The following ERC2 variants were observed in gnomAD, a reference collection of about 807,000 sequenced individuals.
The protein encoded by ERC2 is ERC protein 2.
ERC2 carries 42 observed loss-of-function variants against 114.8 expected under a neutral mutation model. That is an observed-to-expected ratio of 0.37 (90% CI 0.29 to 0.47). The LOEUF (loss-of-function observed/expected upper bound fraction) is 0.47. Ranked by LOEUF, ERC2 falls within the 20% of genes least tolerant of loss-of-function variation. ERC2 has a pLI of 0.99. For synonymous variants in ERC2, 454 were observed against 425.5 expected, an observed-to-expected ratio of 1.07 and a Z score of -0.82; for missense variants, 939 against 1,150.7, an observed-to-expected ratio of 0.82 and a Z score of 2.66.
At chr3:55,669,773 A>C (rs999761425) in intron 17 of ERC2, among the ~76,000 whole-genome samples, 1 of 152,230 alleles carries the variant, frequency 6.6e-6, no homozygotes, top group Non-Finnish European at 1.5e-5. Flanking sequence ...TTTTTGGTGC[A>C]TAGCATGAAG....
chr3:55,991,949 C>T, intron 11 of ERC2, 108 bp downstream of exon 11: 1 of 971,800 alleles, frequency 1.0e-6, no homozygotes, highest in Non-Finnish European at 1.5e-6. Flanking sequence ...TGACTTGTTT[C>T]TAACTTGTAA....
At chr3:56,331,054 T>C (rs2057588196) in intron 2 of ERC2, among the ~76,000 whole-genome samples, 1 of 152,214 alleles carries the variant, frequency 6.6e-6, no homozygotes, top group Admixed American at 6.5e-5. Context: ...ATTCTATTCA[T>C]GGCAAGCATC....
Position 55,583,397 on chromosome 3 carries a change from T to TCC in ERC2, c.*40-72122_*40-72121insGG, listed in dbSNP as rs1559692271. Reference sequence around the variant, plus strand: ...TTCTTTCCTTCTTTCTTTCCTTCCTTCTTTCCTTCCTTCCTTCCTTCCTTC... The same window carrying TCC: ...TTCTTTCCTTCTTTCTTTCCTTCCTTCCCTTTCCTTCCTTCCTTCCTTCCTTC... On this transcript the variant is annotated intron_variant, in intron 17 of 17. Transcript: ENST00000288221. Among the ~76,000 whole-genome samples the TCC allele has an allele frequency of 5.0e-4, 63 of 125,084 alleles. No individual in the cohort carries two copies. In the East Asian group the frequency reaches 0.011, roughly 22 times the overall value. 82.1% of individuals were successfully genotyped at this position (125,084 alleles called of 152,430 possible). A position where few individuals can be genotyped will look rare whatever the true frequency, so the allele number is the denominator to read the frequency against.
At chr3:55,700,430 T>C (rs2063160828) in intron 15 of ERC2, among the ~76,000 whole-genome samples, 1 of 152,228 alleles carries the variant, frequency 6.6e-6, no homozygotes, top group Non-Finnish European at 1.5e-5. Context: ...AGTAAACTAT[T>C]TATAAACCTT....
At chr3:56,325,822 C>T (rs930633274) in intron 2 of ERC2, among the ~76,000 whole-genome samples, 1 of 152,144 alleles carries the variant, frequency 6.6e-6, no homozygotes, top group African/African-American at 2.4e-5. Context: ...AACTGAGGCT[C>T]AAAGAGAAAA....
intron 3 of ERC2, among the ~76,000 whole-genome samples, chr3:56,223,340 A>G (rs2050039318): frequency 6.6e-6 from 1 of 152,062 alleles, no homozygotes; most frequent in Admixed American, 6.6e-5. Flanking sequence ...CACTGTCCCC[A>G]TTTCACACCA....
intron 2 of ERC2, among the ~76,000 whole-genome samples, chr3:56,332,700 T>C (rs1424572908): frequency 1.3e-5 from 2 of 152,292 alleles, no homozygotes; most frequent in Non-Finnish European, 1.5e-5. Context: ...GCGAATCTGT[T>C]TAGGTTCTTA....
intron 6 of ERC2, among the ~76,000 whole-genome samples, chr3:56,104,658 T>A (rs1425298028): frequency 6.6e-6 from 1 of 151,992 alleles, no homozygotes; most frequent in Non-Finnish European, 1.5e-5. Flanking sequence ...AAGTTACATT[T>A]TAGGGCCTGT....
At chr3:55,537,965 G>T (rs2054110286) in intron 17 of ERC2, among the ~76,000 whole-genome samples, 1 of 152,162 alleles carries the variant, frequency 6.6e-6, no homozygotes, top group South Asian at 2.1e-4. Context: ...CCCTCCAATT[G>T]TCTCTCTGGT....
At position 56,399,285 on chromosome 3, in the gene ERC2, C is replaced by A. The variant is rs191959972; in HGVS notation, c.657+35066G>T. ...AAATAACATTAGCCTTACATTAATG[C>A]AGACTCACAGAGGCTGAAAGTAGGC... On this transcript the variant is annotated intron_variant, in intron 2 of 17. Coordinates refer to ENST00000288221, the MANE Select transcript of ERC2 (RefSeq NM_015576.3). Among the ~76,000 whole-genome samples, 91 of 152,338 alleles carry A rather than the reference C, an allele frequency of 6.0e-4. 1 individual carries two copies. The highest frequency in any genetic ancestry group is 5.8e-3 in the Admixed American group (89 of 15,294).
intron 14 of ERC2, among the ~76,000 whole-genome samples, chr3:55,798,744 T>C (rs1488920390): frequency 2.0e-5 from 3 of 151,898 alleles, no homozygotes; most frequent in African/African-American, 4.8e-5. Flanking sequence ...CAGCCCCAAA[T>C]TGGGTGAATC....
chr3:55,830,740 C>G (rs2060531765), intron 14 of ERC2, among the ~76,000 whole-genome samples: 1 of 152,018 alleles, frequency 6.6e-6, no homozygotes, highest in African/African-American at 2.4e-5. Flanking sequence ...ACCCAGGAGT[C>G]TGAGATCAGC....
chr3:56,255,976 A>C (rs1009167878), intron 3 of ERC2, among the ~76,000 whole-genome samples: 2 of 152,232 alleles, frequency 1.3e-5, no homozygotes, highest in Non-Finnish European at 2.9e-5. Flanking sequence ...TTACAGCTTG[A>C]GACACAGCAG....
At chr3:56,311,219 A>T (rs1409731323) in intron 2 of ERC2, among the ~76,000 whole-genome samples, 4 of 134,740 alleles carry the variant, frequency 3.0e-5, no homozygotes, top group Middle Eastern at 3.7e-3. Flanking sequence ...TGTTCTTGGG[A>T]TATCCATCAT....
chr3:55,836,262 TCACATGGAAC>T (rs1242526800), intron 14 of ERC2, among the ~76,000 whole-genome samples: 2 of 152,154 alleles, frequency 1.3e-5, no homozygotes, highest in Non-Finnish European at 2.9e-5. Context: ...ACTTTAAAGT[TCACATGGAAC>T]CAAAAAACAG....
Position 55,547,431 on chromosome 3 carries a change from T to A in ERC2, c.*40-36155A>T, listed in dbSNP as rs2054834222. ...TAGCTTATCGTTTCTGCAGGGGGGC[T>A]TTGAAAGGCTGCCATTGCTCCAGTG... On this transcript the variant is annotated intron_variant, in intron 17 of 17. Transcript: ENST00000288221. Among the ~76,000 whole-genome samples the A allele has an allele frequency of 2.0e-5, 3 of 152,270 alleles. 1 individual carries two copies. The South Asian group carries it at 6.2e-4, about 31-fold the overall frequency.
intron 17 of ERC2, among the ~76,000 whole-genome samples, chr3:55,576,811 T>C (rs1213386960): frequency 4.6e-5 from 7 of 152,176 alleles, no homozygotes; most frequent in Non-Finnish European, 8.8e-5. Flanking sequence ...AGCTCCAAAG[T>C]GGCAACAAGA....
At chr3:56,220,460 A>G (rs977024629) in intron 3 of ERC2, among the ~76,000 whole-genome samples, 1 of 152,220 alleles carries the variant, frequency 6.6e-6, no homozygotes, top group African/African-American at 2.4e-5. Context: ...ATGTATTGAA[A>G]GGTTACAGGG....
intron 6 of ERC2, among the ~76,000 whole-genome samples, chr3:56,105,773 T>A (rs1038815335): frequency 6.6e-6 from 1 of 152,196 alleles, no homozygotes; most frequent in Non-Finnish European, 1.5e-5. Context: ...GTGAGGAGGA[T>A]GAACAGTAGA....
Sources: allele counts gnomAD v4.1 joint callset (sites outside exome capture counted in the v4.1 genomes callset), GRCh38; gene constraint gnomAD v4.1.1; transcripts MANE v1.5; gene names NCBI Gene and HGNC (gene_info 2026-07-23, HGNC 2026-07-21).